Variants in MUC4 observed in about 807,000 individuals in gnomAD.
MUC4 encodes mucin 4, cell surface associated.
Under a neutral mutation model 257.9 loss-of-function variants are expected in MUC4, and 202 were observed. That is an observed-to-expected ratio of 0.78 (90% CI 0.70 to 0.88). MUC4 has a LOEUF of 0.88. MUC4 is among the 40% of genes least tolerant of loss of function. MUC4 has a pLI of 0.00. For synonymous variants in MUC4, 2,351 were observed against 2,757.1 expected (o/e 0.85, Z 4.62); for missense variants, 5,976 against 6,513.7 (o/e 0.92, Z 2.84).
chr3:195,772,608 G>A (rs1444011242), intron 4 of MUC4, among the ~76,000 whole-genome samples: 3 of 140,568 alleles, frequency 2.1e-5, no homozygotes, highest in African/African-American at 8.3e-5. Context: ...CAGGGGTGCA[G>A]ACACCCCATC....
chr3:195,788,884 TGAG>T lies in MUC4; in HGVS notation c.2693_2695del (p.Pro898del). The T allele has an allele frequency of 5.0e-6, 8 of 1,613,758 alleles. No individual in the cohort carries two copies. Among genetic ancestry groups the T allele is most frequent in the Non-Finnish European group, 5.9e-6 (7 of 1,179,790 alleles). On this transcript the variant is annotated inframe_deletion, in exon 2 of 25. Transcript: ENST00000463781. The stretch of plus-strand genomic sequence containing the variant: ...CATCCGGGAAATGGCGGCTGTCTCC[TGAG>T]GAGAGGCACTGGGAGAAGTTGGGCT...
rs1217372694 is a variant in MUC4 at position 195,746,894 on chromosome 3, G to A, written c.*282C>T. On this transcript the variant is annotated 3_prime_UTR_variant, in exon 25 of 25. Transcript: ENST00000463781. The stretch of plus-strand genomic sequence containing the variant: ...CACCACATTATGAACTCGTGTGTGT[G>A]TGTGTGTGTGTGCACGCGCGCGTGC... 3.7e-6 allele frequency: 2 copies of A among 535,100 alleles called. No individual in the cohort carries two copies. Among genetic ancestry groups the A allele is most frequent in the Non-Finnish European group, 3.3e-6 (1 of 301,870 alleles). The allele number at this position is 535,100 out of a possible 1,614,324, so 33.1% of individuals were successfully genotyped here.
Position 195,780,347 on chromosome 3 carries a change from G to T in MUC4, c.11233C>A (p.Leu3745Ile), listed in dbSNP as rs1263736981. 4.4e-4 allele frequency: 617 copies of T among 1,415,146 alleles called. 3 individuals carry two copies. The highest frequency in any genetic ancestry group is 1.2e-3 in the Middle Eastern group (5 of 4,064). 87.7% of individuals were successfully genotyped at this position (1,415,146 alleles called of 1,614,324 possible). ...SSASTGHVTPLPVTSTSSAST... is the reference protein window; with the variant it reads ...SSASTGHVTPIPVTSTSSAST... ...GCTGAGGAAGTGCTGGTGACAGGAA[G>T]AGGGGTGACGTGACCTGTGGATGCT... Residue 3745 changes from leucine to isoleucine, a missense_variant, in exon 2 of 25, where the codon CTT becomes ATT. Physicochemically the swap from Leu to Ile is conservative, Grantham distance 5. Transcript: ENST00000463781.
In MUC4 at chr3:195,774,247, G is replaced by C. The variant is rs150632976; in HGVS notation, c.13002C>G (p.Thr4334=). Residue 4334 remains threonine (T), a synonymous_variant, in exon 4 of 25, where the codon ACC becomes ACG. Transcript: ENST00000463781. The stretch of plus-strand genomic sequence containing the variant: ...TGAAGAGTGGGGAGGTGAAGTCCAC[G>C]GTCCTCCTGACGAACTCCAGGTCCC... ...GAGDLEFVRR[T]VDFTSPLFKP... 6 of 1,602,536 alleles carry C rather than the reference G, an allele frequency of 3.7e-6. No homozygotes were observed. The highest frequency in any genetic ancestry group is 3.3e-5 in the South Asian group (3 of 90,098).
intron 7 of MUC4, among the ~76,000 whole-genome samples, chr3:195,767,897 A>AC (rs1392785707): frequency 9.2e-5 from 12 of 130,466 alleles, no homozygotes; most frequent in African/African-American, 5.2e-4. Context: ...CACCACCACC[A>AC]TCACCACCAT....
At position 195,769,229 on chromosome 3, in the gene MUC4, C is replaced by T; in HGVS notation, c.13399-77G>A. 3.8e-6 allele frequency: 6 copies of T among 1,560,406 alleles called. No individual in the cohort carries two copies. In the South Asian group the frequency reaches 7.1e-5, roughly 19 times the overall value. On this transcript the variant is annotated intron_variant, in intron 6 of 24. Transcript: ENST00000463781. ...TCCTCTCTTATGTCCCCCCGCCCGT[C>T]CCACAGCCCTGCTCTGACACGCACA... is the stretch of plus-strand genomic sequence containing the variant.
In MUC4 at chr3:195,780,093, G is replaced by A. The variant is rs1309547182; in HGVS notation, c.11487C>T (p.Asp3829=). The part of the protein sequence containing the change: ...TGDTTPLPVT[D]ASSASTGHAT... Reference sequence around the variant, plus strand: ...CGTGACCTGTGGATGCTGAGGAAGCGTCGGTGACAGGAAGAGGGGTGGTGT... The same window carrying A: ...CGTGACCTGTGGATGCTGAGGAAGCATCGGTGACAGGAAGAGGGGTGGTGT... Residue 3829 remains aspartate (D), a synonymous_variant, in exon 2 of 25, where the codon GAC becomes GAT. Transcript: ENST00000463781. The A allele has an allele frequency of 2.5e-5, 19 of 761,576 alleles. 2 individuals carry two copies. The African/African-American group carries it at 4.4e-4, about 18-fold the overall frequency. 47.2% of individuals were successfully genotyped at this position (761,576 alleles called of 1,614,324 possible). A position where few individuals can be genotyped will look rare whatever the true frequency, so the allele number is the denominator to read the frequency against.
intron 7 of MUC4, 36 bp downstream of exon 7, chr3:195,768,986 C>T: frequency 1.9e-6 from 3 of 1,592,876 alleles, no homozygotes; most frequent in Non-Finnish European, 2.6e-6. Flanking sequence ...CCCCTCCCTG[C>T]CAACTGCTCA....
chr3:195,776,444 C>CGG (rs1724751019), intron 3 of MUC4, among the ~76,000 whole-genome samples: 1 of 30,866 alleles, frequency 3.2e-5, no homozygotes, highest in Non-Finnish European at 5.5e-5. Flanking sequence ...ACCTTCCGCA[C>CGG]CCATACCTTC....
At chr3:195,762,547 CGCACCCGGCCCTGCACCGCA>C (rs1453294572) in intron 13 of MUC4, among the ~76,000 whole-genome samples, 4 of 150,688 alleles carry the variant, frequency 2.7e-5, no homozygotes, top group Non-Finnish European at 5.9e-5. Flanking sequence ...TGCACCGCAA[CGCACCCGGCCCTGCACCGCA>C]ACGCACCGGG....
rs1343841725 is a variant in MUC4 at position 195,778,784 on chromosome 3, A to C, written c.12790+6T>G. 1 of 1,605,594 alleles carries C rather than the reference A, an allele frequency of 6.2e-7. No individual in the cohort carries two copies. On this transcript the variant is annotated splice_donor_region_variant and intron_variant, in intron 2 of 24. Transcript: ENST00000463781. Reference sequence around the variant, plus strand: ...GAGACATAAAGGCGAGGCAGTTGGCAGCTACCTGGTGTTTCCATCTTCAGA... The same window carrying C: ...GAGACATAAAGGCGAGGCAGTTGGCCGCTACCTGGTGTTTCCATCTTCAGA...
At chr3:195,802,726 G>C (rs569411661) in intron 1 of MUC4, among the ~76,000 whole-genome samples, 5 of 152,318 alleles carry the variant, frequency 3.3e-5, no homozygotes, top group African/African-American at 9.6e-5. Context: ...TACTTCCAGC[G>C]CGTCTGTGTG....
In MUC4 at chr3:195,788,318, G is replaced by C; in HGVS notation, c.3262C>G (p.Pro1088Ala). The change falls in exon 2 of 25, where the codon CCT (proline) becomes GCT (alanine). Residue 1088 changes from proline (P) to alanine (A), a missense_variant. Coordinates refer to ENST00000463781, the MANE Select transcript of MUC4 (RefSeq NM_018406.7). ...LSSASTGDTT[P>A]LPVTDTSSAS... ...GAGGAAGTGTCAGTGACAGGAAGAG[G>C]GGTGGTGTCACCTGTGGATGCTGAG... 6.5e-7 allele frequency: 1 copy of C among 1,544,296 alleles called. No individual in the cohort carries two copies. The highest frequency in any genetic ancestry group is 8.7e-7 in the Non-Finnish European group (1 of 1,144,312).
intron 1 of MUC4, among the ~76,000 whole-genome samples, chr3:195,794,373 TAG>T (rs6148255): frequency 0.28 from 41,786 of 148,498 alleles, 6,177 homozygotes; most frequent in African/African-American, 0.37. Context: ...CATATATATA[TAG>T]AGAGAGAGAG....
rs1719700942 is a variant in MUC4, at chr3:195,763,482, A to C, written c.14204T>G (p.Phe4735Cys). The change falls in exon 12 of 25, where the codon TTC (phenylalanine) becomes TGC (cysteine). Residue 4735 changes from phenylalanine (F) to cysteine (C), a missense_variant. Coordinates refer to ENST00000463781, the MANE Select transcript of MUC4 (RefSeq NM_018406.7). ...AQTGSAQATN[F>C]IAFAAQYRSS... is the part of the protein sequence containing the mutation. ...GCGGTACTGAGCCGCAAAGGCGATG[A>C]AGTTGGTGGCCTGGGCTGAGCCAGT... 6.6e-7 allele frequency: 1 copy of C among 1,510,248 alleles called. No individual in the cohort carries two copies. Among genetic ancestry groups the C allele is most frequent in the Non-Finnish European group, 8.9e-7 (1 of 1,123,212 alleles). 93.6% of individuals were successfully genotyped at this position (1,510,248 alleles called of 1,614,324 possible).
chr3:195,782,562 G>C lies in MUC4; in HGVS notation c.9018C>G (p.Ala3006=), dbSNP rs773137869. The change falls in exon 2 of 25, where the codon GCC becomes GCG. Residue 3006 remains alanine, a synonymous_variant. Transcript: ENST00000463781. ...AAGTGTCGGTGACAGGAAGAGAGGT[G>C]GCGTGACCTATGGATGCTGAGGAAG... ...TDTSSASIGH[A]TSLPVTDTSS... 4 of 921,956 alleles carry C rather than the reference G, an allele frequency of 4.3e-6. No homozygotes were observed. The South Asian group carries it at 6.4e-5, about 15-fold the overall frequency. The allele number at this position is 921,956 out of a possible 1,614,324, so 57.1% of individuals were successfully genotyped here.
chr3:195,749,569 C>T (rs1437125551), intron 23 of MUC4, among the ~76,000 whole-genome samples: 5 of 152,128 alleles, frequency 3.3e-5, no homozygotes, highest in Admixed American at 3.3e-4. Flanking sequence ...GTACTCAGTA[C>T]AGTGCCGGAC....
In MUC4 at chr3:195,783,344, A is replaced by C. The variant is rs1340248130; in HGVS notation, c.8236T>G (p.Ser2746Ala). 5.4e-5 allele frequency: 58 copies of C among 1,068,888 alleles called. No individual in the cohort carries two copies. The highest frequency in any genetic ancestry group is 3.5e-4 in the East Asian group (10 of 28,552). The allele number at this position is 1,068,888 out of a possible 1,614,324, so 66.2% of individuals were successfully genotyped here. Reference protein sequence around the residue: ...PLLVTETSSVSTGDTTPLPVT... With the variant: ...PLLVTETSSVATGDTTPLPVT... Reference sequence around the variant, plus strand: ...GGAAGAGGGGTGGTGTCACCTGTGGATACTGAGGAAGTCTCGGTGACAAGA... The same window carrying C: ...GGAAGAGGGGTGGTGTCACCTGTGGCTACTGAGGAAGTCTCGGTGACAAGA... Residue 2746 changes from serine (S) to alanine (A), a missense_variant, in exon 2 of 25, where the codon TCC becomes GCC. By Grantham distance (99) the Ser-to-Ala change is moderately conservative. This residue lies in a region of MUC4 where 75 missense variants were observed against 58.7 expected (regional missense o/e 1.28). Transcript: ENST00000463781.
intron 3 of MUC4, among the ~76,000 whole-genome samples, chr3:195,775,610 C>G (rs1724351393): frequency 1.7e-5 from 2 of 119,054 alleles, no homozygotes; most frequent in Non-Finnish European, 3.5e-5. Flanking sequence ...CACACCCATA[C>G]CTTCCACAGT....
Sources: allele counts gnomAD v4.1 joint callset (sites outside exome capture counted in the v4.1 genomes callset), GRCh38; gene constraint gnomAD v4.1.1; regional missense constraint gnomAD v4.1.1; transcripts MANE v1.5; gene names NCBI Gene and HGNC (gene_info 2026-07-23, HGNC 2026-07-21).